The following TANC2 variants were observed in gnomAD, a reference collection of about 807,000 sequenced individuals.
TANC2 encodes the protein tetratricopeptide repeat, ankyrin repeat and coiled-coil containing 2, also known as protein TANC2.
Under a neutral mutation model 210.5 loss-of-function variants are expected in TANC2, and 26 were observed. The observed-to-expected ratio is 0.12, with a 90% CI of 0.09 to 0.17. The LOEUF is 0.17. Among genes scored for constraint, TANC2 ranks in the 10% least tolerant of loss-of-function variants. The probability of loss-of-function intolerance (pLI) is 1.00; values close to 1 mark genes in which losing one functional copy is unlikely to be tolerated. For synonymous variants in TANC2, 931 were observed against 967.1 expected (o/e 0.96, Z 0.69); for missense variants, 2,129 against 2,608.9 (o/e 0.82, Z 4.01).
intron 4 of TANC2, among the ~76,000 whole-genome samples, chr17:63,124,519 A>G (rs2038628265): frequency 6.6e-6 from 1 of 152,210 alleles, no homozygotes; most frequent in Admixed American, 6.5e-5. Flanking sequence ...CTGTTTCATT[A>G]AAGAGGAGAA....
intron 9 of TANC2, among the ~76,000 whole-genome samples, chr17:63,295,430 C>A (rs1052871263): frequency 6.6e-6 from 1 of 152,098 alleles, no homozygotes; most frequent in Non-Finnish European, 1.5e-5. Context: ...GTACTTATTC[C>A]ATGTTATAAA....
intron 4 of TANC2, among the ~76,000 whole-genome samples, chr17:63,109,196 G>A (rs2037939723): frequency 6.6e-6 from 1 of 151,652 alleles, no homozygotes. Context: ...TAGTAAACAT[G>A]AAGTAATCAA....
intron 7 of TANC2, among the ~76,000 whole-genome samples, chr17:63,235,049 T>C (rs74251223): frequency 6.6e-6 from 1 of 152,116 alleles, no homozygotes; most frequent in East Asian, 1.9e-4. Context: ...GTATATGAGC[T>C]TTTTCTGAGG....
chr17:63,045,097 A>G (rs907327889), intron 2 of TANC2, among the ~76,000 whole-genome samples: 2 of 152,210 alleles, frequency 1.3e-5, no homozygotes, highest in African/African-American at 4.8e-5. Flanking sequence ...CAACCTATCA[A>G]CATTACAAAA....
In TANC2 at chr17:63,013,194, A is replaced by C. The variant is rs142086018; in HGVS notation, c.67+3568A>C. ...CTCAGGTGATCCTCCTGCCTTAGCC[A>C]CCCGAGGAGCTGGGCCTACAAGTGG... On this transcript the variant is annotated intron_variant, in intron 2 of 27. Coordinates refer to ENST00000689528, the Ensembl canonical transcript of TANC2. 3.8e-3 allele frequency among the ~76,000 whole-genome samples: 575 copies of C among 151,810 alleles called. 2 individuals carry two copies. Among genetic ancestry groups the C allele is most frequent in the African/African-American group, 0.013 (526 of 41,394 alleles).
intron 4 of TANC2, among the ~76,000 whole-genome samples, chr17:63,123,749 C>T (rs970054776): frequency 4.5e-5 from 6 of 133,026 alleles, no homozygotes; most frequent in Non-Finnish European, 7.7e-5. Flanking sequence ...TCCAGTGACA[C>T]TATCTTGGCT....
At chr17:63,339,486 C>T (rs1780451308) in intron 11 of TANC2, among the ~76,000 whole-genome samples, 1 of 152,172 alleles carries the variant, frequency 6.6e-6, no homozygotes, top group South Asian at 2.1e-4. Flanking sequence ...TTAAGACCTA[C>T]ATCTAACAAA....
Position 63,099,372 on chromosome 17 carries a change from T to G in TANC2, c.322+15T>G. On this transcript the variant is annotated intron_variant, in intron 4 of 27. Coordinates refer to ENST00000689528, the Ensembl canonical transcript of TANC2. ...GAAGTTAACTGGTAAGGACTTTACC[T>G]AAATTTAGTATGTTTAACAGGAAAC... 4.7e-6 allele frequency: 7 copies of G among 1,474,772 alleles called. No homozygotes were observed. Among genetic ancestry groups the G allele is most frequent in the Non-Finnish European group, 6.4e-6 (7 of 1,101,746 alleles). 91.4% of individuals were successfully genotyped at this position (1,474,772 alleles called of 1,614,324 possible). A position where few individuals can be genotyped will look rare whatever the true frequency, so the allele number is the denominator to read the frequency against.
At chr17:63,227,553 G>C (rs2042360349) in intron 7 of TANC2, among the ~76,000 whole-genome samples, 1 of 152,110 alleles carries the variant, frequency 6.6e-6, no homozygotes, top group Non-Finnish European at 1.5e-5. Flanking sequence ...CCATTCTATA[G>C]GTTGTCAGTT....
At chr17:63,095,871 T>TAGAACAGCCTAC (rs1489325794) in intron 3 of TANC2, among the ~76,000 whole-genome samples, 1 of 152,172 alleles carries the variant, frequency 6.6e-6, no homozygotes, top group African/African-American at 2.4e-5. Context: ...AAGAAAATAG[T>TAGAACAGCCTAC]TTTAAGCAGA....
intron 8 of TANC2, among the ~76,000 whole-genome samples, chr17:63,261,754 C>T (rs892391914): frequency 6.6e-6 from 1 of 152,210 alleles, no homozygotes; most frequent in South Asian, 2.1e-4. Context: ...CATCCATACT[C>T]ACCCTTCTAT....
At chr17:63,391,438 A>G (rs2047969074) in intron 17 of TANC2, 1 of 152,232 alleles carries the variant, frequency 6.6e-6, no homozygotes. Flanking sequence ...TGAACAAGTC[A>G]CTTAACCTCT....
chr17:63,227,840 A>T (rs1034618820), intron 7 of TANC2, among the ~76,000 whole-genome samples: 4 of 152,054 alleles, frequency 2.6e-5, no homozygotes, highest in African/African-American at 9.7e-5. Context: ...CAATTCTCCC[A>T]GCACCATTTA....
chr17:63,088,931 A>T (rs1485984321), intron 3 of TANC2: 1 of 152,174 alleles, frequency 6.6e-6, no homozygotes, highest in African/African-American at 2.4e-5. Flanking sequence ...CTCCTGCAGA[A>T]TAACATTAGC....
intron 19 of TANC2, among the ~76,000 whole-genome samples, chr17:63,402,101 AC>A (rs1197407456): frequency 1.3e-5 from 2 of 152,134 alleles, no homozygotes; most frequent in African/African-American, 4.8e-5. Context: ...ACCAGTAATA[AC>A]CTCCAGTCTC....
intron 4 of TANC2, among the ~76,000 whole-genome samples, chr17:63,127,760 A>G (rs2038763539): frequency 6.6e-6 from 1 of 152,354 alleles, no homozygotes; most frequent in Non-Finnish European, 1.5e-5. Context: ...TAGACTTCTC[A>G]GACCTTTCTC....
intron 7 of TANC2, among the ~76,000 whole-genome samples, chr17:63,230,961 A>C (rs181830726): frequency 6.6e-5 from 10 of 152,316 alleles, no homozygotes; most frequent in African/African-American, 2.2e-4. Flanking sequence ...TATTGGGTGC[A>C]TATATATTTA....
At chr17:63,093,946 T>C (rs1285963883) in intron 3 of TANC2, among the ~76,000 whole-genome samples, 1 of 152,104 alleles carries the variant, frequency 6.6e-6, no homozygotes, top group Non-Finnish European at 1.5e-5. Flanking sequence ...CTCTTACCAG[T>C]TTCTTGTAGT....
At chr17:63,086,857 A>G (rs2036985925) in intron 3 of TANC2, among the ~76,000 whole-genome samples, 1 of 151,446 alleles carries the variant, frequency 6.6e-6, no homozygotes, top group South Asian at 2.1e-4. Flanking sequence ...GTAGCTAGCT[A>G]GAGGTTTGTA....
Sources: allele counts gnomAD v4.1 joint callset (sites outside exome capture counted in the v4.1 genomes callset), GRCh38; gene constraint gnomAD v4.1.1; transcripts MANE v1.5; gene names NCBI Gene and HGNC (gene_info 2026-07-23, HGNC 2026-07-21).